The following TTC39C variants were observed in gnomAD, a reference collection of about 807,000 sequenced individuals.
TTC39C encodes tetratricopeptide repeat domain 39C, also known as tetratricopeptide repeat protein 39C.
Under a neutral mutation model 76.3 loss-of-function variants are expected in TTC39C, and 33 were observed. That is an observed-to-expected ratio of 0.43 (90% CI 0.33 to 0.58). TTC39C has a LOEUF of 0.58. Among genes scored for constraint, TTC39C ranks in the 20% least tolerant of loss-of-function variants. The pLI, the probability that TTC39C is intolerant of heterozygous loss-of-function variation, is 0.04. For missense variants in TTC39C, 595 were observed against 701.4 expected (o/e 0.85, Z 1.71); for synonymous variants, 254 against 260.6 (o/e 0.97, Z 0.24).
chr18:24,114,662 T>C lies in TTC39C; in HGVS notation c.1078+15T>C. The stretch of plus-strand genomic sequence containing the variant: ...GTATGAAATTGGTAAATATGAAATG[T>C]CTGTCCAGCCTCTTGTTAAGAAGTA... On this transcript the variant is annotated intron_variant, in intron 7 of 13. Transcript: ENST00000317571. The C allele has an allele frequency of 6.3e-7, 1 of 1,578,878 alleles. No individual in the cohort carries two copies. Among genetic ancestry groups the C allele is most frequent in the Non-Finnish European group, 8.7e-7 (1 of 1,148,570 alleles).
chr18:24,115,427 G>C (rs904264798), intron 7 of TTC39C, among the ~76,000 whole-genome samples: 8 of 152,180 alleles, frequency 5.3e-5, no homozygotes, highest in Admixed American at 1.3e-4. Flanking sequence ...TTTTAAATAA[G>C]GGACTCAGAC....
At chr18:24,117,017 C>T (rs1033408830) in intron 7 of TTC39C, among the ~76,000 whole-genome samples, 3 of 151,580 alleles carry the variant, frequency 2.0e-5, no homozygotes, top group Non-Finnish European at 2.9e-5. Context: ...GGGGTTTCAC[C>T]GTGTTGCCTA....
intron 9 of TTC39C, 28 bp from the exon 10 acceptor site, chr18:24,125,399 G>A: frequency 6.2e-7 from 1 of 1,612,928 alleles, no homozygotes; most frequent in Middle Eastern, 1.7e-4. Context: ...TTTGAAAAAT[G>A]TAGCCTGTTT....
chr18:24,073,948 G>A (rs1173986235), intron 4 of TTC39C, among the ~76,000 whole-genome samples: 1 of 152,132 alleles, frequency 6.6e-6, no homozygotes, highest in African/African-American at 2.4e-5. Context: ...TTGAGGGCAG[G>A]GACTGTGCAA....
intron 13 of TTC39C, 107 bp downstream of exon 13, chr18:24,132,027 T>C (rs2085136617): frequency 4.5e-6 from 5 of 1,106,774 alleles, no homozygotes; most frequent in Non-Finnish European, 6.4e-6. Flanking sequence ...TGGTTGGTAA[T>C]ATTTCTGGAA....
chr18:23,995,389 G>T (rs1002362211), intron 1 of TTC39C, among the ~76,000 whole-genome samples: 3 of 152,038 alleles, frequency 2.0e-5, no homozygotes, highest in African/African-American at 4.8e-5. Flanking sequence ...AAAATCACGC[G>T]AATCCAGGAG....
At chr18:23,999,208 G>A (rs1235624629) in intron 1 of TTC39C, among the ~76,000 whole-genome samples, 1 of 152,276 alleles carries the variant, frequency 6.6e-6, no homozygotes, top group East Asian at 1.9e-4. Flanking sequence ...TTCCTGCAAG[G>A]CTCCTAGCCT....
chr18:24,095,024 A>G (rs1289902226), intron 6 of TTC39C, among the ~76,000 whole-genome samples: 3 of 152,230 alleles, frequency 2.0e-5, no homozygotes, highest in Admixed American at 6.5e-5. Flanking sequence ...CTTTGTCTCC[A>G]CTGAAAGTCT....
chr18:23,995,856 C>A (rs2083257101), intron 1 of TTC39C, among the ~76,000 whole-genome samples: 1 of 152,186 alleles, frequency 6.6e-6, no homozygotes, highest in South Asian at 2.1e-4. Context: ...GGTGACAGAG[C>A]AAGACTCTGT....
chr18:24,125,323 A>G lies in TTC39C; in HGVS notation c.1297-104A>G, dbSNP rs540321582. ...ATTCTTAGCTTTGAAGGAGAGGGTC[A>G]TTCACATTGATGATGAACTGTGTGC... On this transcript the variant is annotated intron_variant, in intron 9 of 13. Transcript: ENST00000317571. 62 of 1,389,606 alleles carry G rather than the reference A, an allele frequency of 4.5e-5. No homozygotes were observed. The East Asian group carries it at 1.2e-3, about 28-fold the overall frequency. 86.1% of individuals were successfully genotyped at this position (1,389,606 alleles called of 1,614,324 possible). A position where few individuals can be genotyped will look rare whatever the true frequency, so the allele number is the denominator to read the frequency against.
chr18:24,040,699 C>G (rs1216366011), intron 1 of TTC39C, among the ~76,000 whole-genome samples: 1 of 152,168 alleles, frequency 6.6e-6, no homozygotes, highest in African/African-American at 2.4e-5. Context: ...AGCCCACTAG[C>G]TTGAGTATCC....
intron 1 of TTC39C, among the ~76,000 whole-genome samples, chr18:24,051,965 C>T (rs957297784): frequency 5.3e-5 from 8 of 152,144 alleles, no homozygotes; most frequent in Admixed American, 2.6e-4. Context: ...ATGGGGTCCC[C>T]ACTCTTGGGG....
chr18:24,011,441 G>A (rs748409319), upstream of TTC39C, among the ~76,000 whole-genome samples: 2 of 152,206 alleles, frequency 1.3e-5, no homozygotes, highest in African/African-American at 4.8e-5. Context: ...TTGGGACCAG[G>A]AGAGGCGGCC....
At chr18:24,066,763 C>A (rs1285310361) in intron 3 of TTC39C, among the ~76,000 whole-genome samples, 1 of 152,200 alleles carries the variant, frequency 6.6e-6, no homozygotes, top group African/African-American at 2.4e-5. Flanking sequence ...TGAAGCATCA[C>A]AGGAGAGTGT....
chr18:24,116,980 C>T (rs1453891157), intron 7 of TTC39C, among the ~76,000 whole-genome samples: 1 of 151,740 alleles, frequency 6.6e-6, no homozygotes, highest in Non-Finnish European at 1.5e-5. Flanking sequence ...CGTGCACCAC[C>T]ACACCTGGCT....
chr18:24,012,849 A>AC (rs2083403595), upstream of TTC39C: 3 of 74,088 alleles, frequency 4.0e-5, no homozygotes, highest in East Asian at 3.4e-4. Context: ...CTGCCCATCA[A>AC]AACACACACA....
chr18:24,023,995 TA>T, intron 1 of TTC39C, among the ~76,000 whole-genome samples: 1 of 6,482 alleles, frequency 1.5e-4, no homozygotes, highest in Non-Finnish European at 3.6e-4. Context: ...TATATATATA[TA>T]TATATATATA....
In TTC39C at chr18:24,092,091, T is replaced by C. The variant is rs1481489736; in HGVS notation, c.984+9010T>C. Among the ~76,000 whole-genome samples, 80 of 13,648 alleles carry C rather than the reference T, an allele frequency of 5.9e-3. 2 individuals are homozygous for C. The highest frequency in any genetic ancestry group is 0.014 in the African/African-American group (77 of 5,378). The allele number at this position is 13,648 out of a possible 152,430, so 9.0% of individuals were successfully genotyped here. ...CTGGGTGACAGAGTGAGACTCAGTC[T>C]CAAAAAAAAAAAAAAAAAAAAAAAA... On this transcript the variant is annotated intron_variant, in intron 6 of 13. Coordinates refer to ENST00000317571, the MANE Select transcript of TTC39C (RefSeq NM_001135993.2).
rs565797780 is a variant in TTC39C at position 24,039,087 on chromosome 18, T to G, written c.167+24049T>G. Among the ~76,000 whole-genome samples the G allele has an allele frequency of 7.9e-5, 12 of 152,342 alleles. No homozygotes were observed. The East Asian group carries it at 2.3e-3, about 29-fold the overall frequency. On this transcript the variant is annotated intron_variant, in intron 1 of 13. Coordinates refer to ENST00000317571, the MANE Select transcript of TTC39C (RefSeq NM_001135993.2). ...TTGGGACCCCCAGTTTGCCAGGAAC[T>G]GTGCTGGCATCCTCATTCAGTCCCC...
Sources: gnomAD v4.1 joint callset for allele counts (sites outside exome capture counted in the v4.1 genomes callset) on GRCh38, gnomAD v4.1.1 for gene constraint, MANE v1.5 for transcripts, NCBI Gene and HGNC (gene_info 2026-07-23, HGNC 2026-07-21) for gene names.